The following MAGI2 variants were observed in gnomAD, a reference collection of about 807,000 sequenced individuals.
MAGI2 encodes membrane-associated guanylate kinase, WW and PDZ domain-containing protein 2.
MAGI2 carries 35 observed loss-of-function variants against 133.3 expected under a neutral mutation model. The observed-to-expected ratio is 0.26, with a 90% CI of 0.20 to 0.35. The LOEUF (loss-of-function observed/expected upper bound fraction) is 0.35, where lower values mean the gene tolerates loss of function less well. MAGI2 is among the 10% of genes least tolerant of loss of function. The pLI is 1.00. For missense variants in MAGI2, 1,636 were observed against 1,863.4 expected (o/e 0.88, Z 2.25); for synonymous variants, 729 against 710.6 (o/e 1.03, Z -0.41).
intron 2 of MAGI2, among the ~76,000 whole-genome samples, chr7:78,972,394 T>A (rs1803867789): frequency 6.6e-6 from 1 of 151,904 alleles, no homozygotes; most frequent in Admixed American, 6.6e-5. Flanking sequence ...ATAGGTTTAG[T>A]TTGGTTGTTT....
intron 1 of MAGI2, among the ~76,000 whole-genome samples, chr7:79,196,782 T>G (rs1828118661): frequency 6.6e-6 from 1 of 151,842 alleles, no homozygotes; most frequent in African/African-American, 2.4e-5. Context: ...TTTGTTTGTA[T>G]TTTGAGATAG....
At chr7:78,113,084 T>G (rs1583965186) in intron 20 of MAGI2, among the ~76,000 whole-genome samples, 1 of 149,218 alleles carries the variant, frequency 6.7e-6, no homozygotes. Flanking sequence ...GACTGGTTGG[T>G]GGGATAACAG....
intron 2 of MAGI2, among the ~76,000 whole-genome samples, chr7:78,924,543 G>A (rs1406626344): frequency 6.6e-6 from 1 of 152,090 alleles, no homozygotes; most frequent in East Asian, 1.9e-4. Context: ...CAGGGATGAA[G>A]CCCACTTGAT....
chr7:79,264,882 C>T (rs568116225), intron 1 of MAGI2, among the ~76,000 whole-genome samples: 20 of 150,132 alleles, frequency 1.3e-4, no homozygotes, highest in Non-Finnish European at 2.4e-4. Flanking sequence ...AGAGAGAGAG[C>T]GCACGAGCAC....
intron 2 of MAGI2, among the ~76,000 whole-genome samples, chr7:78,823,441 G>C (rs959512467): frequency 6.6e-6 from 1 of 152,126 alleles, no homozygotes; most frequent in Admixed American, 6.5e-5. Flanking sequence ...AAATTAGCTG[G>C]GCGTGGTGGC....
intron 1 of MAGI2, among the ~76,000 whole-genome samples, chr7:79,138,863 G>A (rs747015887): frequency 5.9e-5 from 9 of 151,716 alleles, no homozygotes; most frequent in Non-Finnish European, 1.0e-4. Context: ...AAAATTAGCC[G>A]GGTGTGGTGG....
In MAGI2 at chr7:78,508,442, GATAAT is replaced by G. The variant is rs200922826; in HGVS notation, c.755-6660_755-6656del. On this transcript the variant is annotated intron_variant, in intron 4 of 21. Transcript: ENST00000354212. Reference sequence around the variant, plus strand: ...TAGAAATTAACTTTGCTGCATTTTAGATAATATATCTTTCTTCTGTATCGGCTTAA... The same window carrying G: ...TAGAAATTAACTTTGCTGCATTTTAGATATCTTTCTTCTGTATCGGCTTAA... Among the ~76,000 whole-genome samples, 49 of 152,282 alleles carry G rather than the reference GATAAT, an allele frequency of 3.2e-4. No individual in the cohort carries two copies. The East Asian group carries it at 7.7e-3, about 24-fold the overall frequency.
chr7:79,312,992 A>G (rs1314001597), intron 1 of MAGI2, among the ~76,000 whole-genome samples: 1 of 152,134 alleles, frequency 6.6e-6, no homozygotes, highest in Non-Finnish European at 1.5e-5. Context: ...AGTTTTGGTG[A>G]AGTCAACATT....
rs1815087237 is a variant in MAGI2, at chr7:78,676,799, A to G, written c.419-49560T>C. On this transcript the variant is annotated intron_variant, in intron 2 of 21. Transcript: ENST00000354212. ...ATTATACTAATGCTAGCATCAATGCATTTTAATTTTGTGTCTTTTCAGAAC... is the reference window on the plus strand; with the variant it reads ...ATTATACTAATGCTAGCATCAATGCGTTTTAATTTTGTGTCTTTTCAGAAC... Among the ~76,000 whole-genome samples, 3 of 152,224 alleles carry G rather than the reference A, an allele frequency of 2.0e-5. No homozygotes were observed. In the South Asian group the frequency reaches 6.2e-4, roughly 32 times the overall value.
At chr7:78,503,234 CT>C (rs1794775129) in intron 4 of MAGI2, among the ~76,000 whole-genome samples, 1 of 152,058 alleles carries the variant, frequency 6.6e-6, no homozygotes, top group Non-Finnish European at 1.5e-5. Flanking sequence ...TGCAAAAGTT[CT>C]GAATGTATGC....
intron 4 of MAGI2, among the ~76,000 whole-genome samples, chr7:78,503,004 A>G (rs1794754793): frequency 6.6e-6 from 1 of 152,204 alleles, no homozygotes; most frequent in Admixed American, 6.5e-5. Flanking sequence ...CCAAACTACA[A>G]TGTTAAAAGG....
chr7:78,196,776 G>A (rs777724649), intron 11 of MAGI2, among the ~76,000 whole-genome samples: 9 of 152,182 alleles, frequency 5.9e-5, no homozygotes, highest in African/African-American at 1.2e-4. Flanking sequence ...GACTGGCTTC[G>A]TTTTAATTTG....
At chr7:78,527,002 A>G (rs1185284266) in intron 3 of MAGI2, among the ~76,000 whole-genome samples, 8 of 120,950 alleles carry the variant, frequency 6.6e-5, no homozygotes, top group African/African-American at 2.4e-4. Context: ...GCAAGACTCC[A>G]TCTCAAAAAA....
chr7:79,306,820 AT>A (rs35269793), intron 1 of MAGI2, among the ~76,000 whole-genome samples: 55 of 147,374 alleles, frequency 3.7e-4, no homozygotes, highest in South Asian at 4.3e-4. Flanking sequence ...TTTCTGAAGA[AT>A]TTTTTTTTTT....
At chr7:78,651,316 G>GTGCT (rs5885081) in intron 2 of MAGI2, among the ~76,000 whole-genome samples, 87,616 of 151,132 alleles carry the variant, frequency 0.58, 25,554 homozygotes, top group East Asian at 0.76. Flanking sequence ...TTCTGCCTTT[G>GTGCT]TGCTTGTCTT....
intron 16 of MAGI2, among the ~76,000 whole-genome samples, chr7:78,152,133 G>A (rs896746555): frequency 1.3e-5 from 2 of 152,200 alleles, no homozygotes; most frequent in Admixed American, 6.5e-5. Flanking sequence ...AGCAATAGGC[G>A]ATGTTTACTG....
intron 5 of MAGI2, among the ~76,000 whole-genome samples, chr7:78,500,044 A>G (rs1181584928): frequency 2.0e-5 from 3 of 152,214 alleles, no homozygotes; most frequent in African/African-American, 7.2e-5. Flanking sequence ...TCCTTTTAAA[A>G]TTAGAACATT....
At chr7:79,214,391 CTCTCTCTCTCTCTCTCTATA>C (rs1324269643) in intron 1 of MAGI2, among the ~76,000 whole-genome samples, 80 of 93,194 alleles carry the variant, frequency 8.6e-4, no homozygotes, top group African/African-American at 2.9e-3. Context: ...CTCTCTCTCT[CTCTCTCTCTCTCTCTCTATA>C]TATATATATA....
intron 1 of MAGI2, among the ~76,000 whole-genome samples, chr7:79,380,270 G>A (rs1262295146): frequency 6.6e-6 from 1 of 151,864 alleles, no homozygotes; most frequent in Non-Finnish European, 1.5e-5. Flanking sequence ...CTAATATCCA[G>A]AATCTTCATG....
Sources: gnomAD v4.1 joint callset for allele counts (sites outside exome capture counted in the v4.1 genomes callset) on GRCh38, gnomAD v4.1.1 for gene constraint, MANE v1.5 for transcripts, NCBI Gene and HGNC (gene_info 2026-07-23, HGNC 2026-07-21) for gene names.